The following ZKSCAN1 variants were observed in gnomAD, a reference collection of about 807,000 sequenced individuals.
ZKSCAN1 encodes zinc finger protein with KRAB and SCAN domains 1.
In ZKSCAN1, 14 loss-of-function variants were observed where a neutral mutation model predicts 51.6. The observed-to-expected ratio is 0.27, with a 90% CI of 0.18 to 0.42. ZKSCAN1 has a LOEUF of 0.42. ZKSCAN1 is among the 10% of genes least tolerant of loss of function. ZKSCAN1 has a pLI of 1.00. For synonymous variants in ZKSCAN1, 263 were observed against 261.5 expected (o/e 1.01, Z -0.06); for missense variants, 531 against 710.0 (o/e 0.75, Z 2.86).
rs141612433 is a variant in ZKSCAN1, at chr7:100,034,254, A to T, written c.*57A>T. On this transcript the variant is annotated 3_prime_UTR_variant, in exon 6 of 6. Transcript: ENST00000324306. ...TTTTGTTTCTAAAATTATTTCAGAG[A>T]TGTGTGCTCCTGGAGGGAAAAAGAA... The T allele has an allele frequency of 2.1e-4, 313 of 1,499,634 alleles. 1 individual carries two copies. The highest frequency in any genetic ancestry group is 5.7e-5 in the Non-Finnish European group (65 of 1,133,298). 92.9% of individuals were successfully genotyped at this position (1,499,634 alleles called of 1,614,324 possible).
Position 100,039,359 on chromosome 7 carries a change from A to G in ZKSCAN1, c.*5162A>G. On this transcript the variant is annotated 3_prime_UTR_variant, in exon 6 of 6. Coordinates refer to ENST00000324306, the MANE Select transcript of ZKSCAN1 (RefSeq NM_003439.4). ...AAGAAAGAAAATTGGGGATAGGAGA[A>G]CAGCAAGGTGGGCATTTCCCGGAAT... is the stretch of plus-strand genomic sequence containing the variant. 1.0e-6 allele frequency: 1 copy of G among 985,446 alleles called. No homozygotes were observed. The highest frequency in any genetic ancestry group is 1.1e-4 in the East Asian group (1 of 8,814). The allele number at this position is 985,446 out of a possible 1,614,324, so 61.0% of individuals were successfully genotyped here. A position where few individuals can be genotyped will look rare whatever the true frequency, so the allele number is the denominator to read the frequency against.
rs1318703282 is a variant in ZKSCAN1, at chr7:100,037,744, G to A, written c.*3547G>A. ...AGAGGGAGCTCAATCTTGGCCGGGC[G>A]CCGTGGCTCACGCCTGTAATCGCAG... On this transcript the variant is annotated 3_prime_UTR_variant, in exon 6 of 6. Coordinates refer to ENST00000324306, the MANE Select transcript of ZKSCAN1 (RefSeq NM_003439.4). The A allele has an allele frequency of 4.1e-6, 4 of 984,892 alleles. No homozygotes were observed. In the African/African-American group the frequency reaches 5.2e-5, roughly 13 times the overall value. The allele number at this position is 984,892 out of a possible 1,614,324, so 61.0% of individuals were successfully genotyped here.
chr7:100,039,424 T>C lies in ZKSCAN1; in HGVS notation c.*5227T>C. On this transcript the variant is annotated 3_prime_UTR_variant, in exon 6 of 6. Transcript: ENST00000324306. Reference sequence around the variant, plus strand: ...TCCAGTCGTGGCATTGCAAGAAGTCTGTCTGATGAAGCTCGGGAAGCATTT... The same window carrying C: ...TCCAGTCGTGGCATTGCAAGAAGTCCGTCTGATGAAGCTCGGGAAGCATTT... The C allele has an allele frequency of 1.0e-6, 1 of 985,442 alleles. No homozygotes were observed. The highest frequency in any genetic ancestry group is 1.2e-6 in the Non-Finnish European group (1 of 829,936). The allele number at this position is 985,442 out of a possible 1,614,324, so 61.0% of individuals were successfully genotyped here.
rs1000231357 is a variant in ZKSCAN1, at chr7:100,038,657, C to T, written c.*4460C>T. On this transcript the variant is annotated 3_prime_UTR_variant, in exon 6 of 6. Coordinates refer to ENST00000324306, the MANE Select transcript of ZKSCAN1 (RefSeq NM_003439.4). ...TTCAGCTGACCAGGTTCTTTTAAACCGTAGTCATGCTTTCCCACTAACTCT... is the reference window on the plus strand; with the variant it reads ...TTCAGCTGACCAGGTTCTTTTAAACTGTAGTCATGCTTTCCCACTAACTCT... The T allele has an allele frequency of 1.0e-6, 1 of 985,236 alleles. No individual in the cohort carries two copies. Among genetic ancestry groups the T allele is most frequent in the African/African-American group, 1.7e-5 (1 of 57,192 alleles). The allele number at this position is 985,236 out of a possible 1,614,324, so 61.0% of individuals were successfully genotyped here.
Position 100,034,147 on chromosome 7 carries a change from A to G in ZKSCAN1, c.1642A>G (p.Ser548Gly). 4 of 1,556,136 alleles carry G rather than the reference A, an allele frequency of 2.6e-6. No homozygotes were observed. The highest frequency in any genetic ancestry group is 3.5e-6 in the Non-Finnish European group (4 of 1,157,528). The change falls in exon 6 of 6, where the codon AGC becomes GGC. Residue 548 changes from serine (S) to glycine (G), a missense_variant. Around this residue, in one of 2 missense-constraint regions of ZKSCAN1, gnomAD observed 128 missense variants for 219.5 expected, o/e 0.58. Coordinates refer to ENST00000324306, the MANE Select transcript of ZKSCAN1 (RefSeq NM_003439.4). ...TGCCAGAGAGAGAGCCTCTGAGTAC[A>G]GCCCAGCCTCCCTTGATGCATTTGG... ...IHARERASEY[S>G]PASLDAFGAF...
chr7:100,026,869 A>T (rs558832092), intron 3 of ZKSCAN1, among the ~76,000 whole-genome samples: 16 of 152,262 alleles, frequency 1.1e-4, no homozygotes, highest in African/African-American at 3.8e-4. Flanking sequence ...GCTATACAAA[A>T]ACATTTTTTA....
At position 100,038,110 on chromosome 7, in the gene ZKSCAN1, G is replaced by A; in HGVS notation, c.*3913G>A. 1.0e-6 allele frequency: 1 copy of A among 985,270 alleles called. No individual in the cohort carries two copies. Among genetic ancestry groups the A allele is most frequent in the Non-Finnish European group, 1.2e-6 (1 of 829,894 alleles). The allele number at this position is 985,270 out of a possible 1,614,324, so 61.0% of individuals were successfully genotyped here. A position where few individuals can be genotyped will look rare whatever the true frequency, so the allele number is the denominator to read the frequency against. On this transcript the variant is annotated 3_prime_UTR_variant, in exon 6 of 6. Coordinates refer to ENST00000324306, the MANE Select transcript of ZKSCAN1 (RefSeq NM_003439.4). The stretch of plus-strand genomic sequence containing the variant: ...TGTGGGGAAATGCTTTAAAAAAATA[G>A]CAAAATGTGCAACTTCTTACAAAAA...
downstream of ZKSCAN1, chr7:100,044,787 A>G (rs986745536): frequency 5.1e-6 from 5 of 985,004 alleles, no homozygotes; most frequent in African/African-American, 8.8e-5. Flanking sequence ...TCTTTAGCAA[A>G]TGTCTTTGCA....
At position 100,034,188 on chromosome 7, in the gene ZKSCAN1, T is replaced by C; in HGVS notation, c.1683T>C (p.Ser561=). ...SLDAFGAFLK[S]CV ...ATGCATTTGGCGCGTTCCTGAAAAG[T>C]TGTGTGTAAAGGAAGAATTTGCCAT... Residue 561 remains serine, a synonymous_variant, in exon 6 of 6, where the codon AGT becomes AGC. Coordinates refer to ENST00000324306, the MANE Select transcript of ZKSCAN1 (RefSeq NM_003439.4). The C allele has an allele frequency of 6.6e-7, 1 of 1,505,196 alleles. No individual in the cohort carries two copies. 93.2% of individuals were successfully genotyped at this position (1,505,196 alleles called of 1,614,324 possible).
intron 4 of ZKSCAN1, 88 bp from the exon 5 acceptor site, chr7:100,030,161 A>G: frequency 6.4e-7 from 1 of 1,556,068 alleles, no homozygotes; most frequent in Non-Finnish European, 8.7e-7. Flanking sequence ...GTAGCTTTGC[A>G]GCCACCTCTC....
chr7:100,018,573 A>G lies in ZKSCAN1; in HGVS notation c.-89+2847A>G, dbSNP rs559199165. Among the ~76,000 whole-genome samples, 4 of 152,166 alleles carry G rather than the reference A, an allele frequency of 2.6e-5. No individual in the cohort carries two copies. The South Asian group carries it at 8.3e-4, about 32-fold the overall frequency. On this transcript the variant is annotated intron_variant, in intron 1 of 5. Coordinates refer to ENST00000324306, the MANE Select transcript of ZKSCAN1 (RefSeq NM_003439.4). ...CCAGCTAATTTTTTATATTTTTAGT[A>G]GAGACGGGGTTTCATCGTGTTACCA...
chr7:100,032,036 G>T (rs2115925367), intron 5 of ZKSCAN1, among the ~76,000 whole-genome samples: 1 of 152,284 alleles, frequency 6.6e-6, no homozygotes, highest in South Asian at 2.1e-4. Context: ...CTGTGCTCAT[G>T]CCACTGTACT....
At chr7:100,031,161 T>C (rs1394172488) in intron 5 of ZKSCAN1, among the ~76,000 whole-genome samples, 2 of 151,946 alleles carry the variant, frequency 1.3e-5, no homozygotes, top group Admixed American at 6.6e-5. Flanking sequence ...AAAGGGAGTG[T>C]GAATAAAGCG....
In ZKSCAN1 at chr7:100,037,349, A is replaced by G; in HGVS notation, c.*3152A>G. The G allele has an allele frequency of 1.0e-6, 1 of 985,398 alleles. No individual in the cohort carries two copies. Among genetic ancestry groups the G allele is most frequent in the Non-Finnish European group, 1.2e-6 (1 of 829,916 alleles). The allele number at this position is 985,398 out of a possible 1,614,324, so 61.0% of individuals were successfully genotyped here. A position where few individuals can be genotyped will look rare whatever the true frequency, so the allele number is the denominator to read the frequency against. ...CTCAGGTTGTGGGGTATTTGTTTCT[A>G]CTCCAGCCTGGCAGGCAAGGCTAAA... On this transcript the variant is annotated 3_prime_UTR_variant, in exon 6 of 6. Coordinates refer to ENST00000324306, the MANE Select transcript of ZKSCAN1 (RefSeq NM_003439.4).
chr7:100,042,191 C>T (rs563133774), downstream of ZKSCAN1, among the ~76,000 whole-genome samples: 9 of 151,994 alleles, frequency 5.9e-5, no homozygotes, highest in South Asian at 6.2e-4. Context: ...TGGTGGCGGG[C>T]GCCTGTAGTC....
intron 5 of ZKSCAN1, among the ~76,000 whole-genome samples, chr7:100,032,746 C>T (rs1263971601): frequency 1.3e-5 from 2 of 151,910 alleles, no homozygotes; most frequent in Admixed American, 6.6e-5. Context: ...TGGTGGCTCA[C>T]GCCTGTAATC....
chr7:100,039,315 G>GAAA lies in ZKSCAN1; in HGVS notation c.*5128_*5130dup. 2 of 879,140 alleles carry GAAA rather than the reference G, an allele frequency of 2.3e-6. No homozygotes were observed. Among genetic ancestry groups the GAAA allele is most frequent in the South Asian group, 1.0e-4 (2 of 19,086 alleles). 54.5% of individuals were successfully genotyped at this position (879,140 alleles called of 1,614,324 possible). A position where few individuals can be genotyped will look rare whatever the true frequency, so the allele number is the denominator to read the frequency against. ...TAACAGAGACTCTGTCTCAAAAAAA[G>GAAA]AAAAAAAAAAAAGAAAGAAAGAAAG... On this transcript the variant is annotated 3_prime_UTR_variant, in exon 6 of 6. Transcript: ENST00000324306.
chr7:100,042,495 A>G (rs1317461582), downstream of ZKSCAN1, among the ~76,000 whole-genome samples: 2 of 151,890 alleles, frequency 1.3e-5, no homozygotes, highest in Admixed American at 1.3e-4. Context: ...TTCAATTCTG[A>G]CACTACCTGT....
intron 5 of ZKSCAN1, among the ~76,000 whole-genome samples, chr7:100,031,720 C>T (rs980305147): frequency 6.6e-6 from 1 of 152,166 alleles, no homozygotes; most frequent in African/African-American, 2.4e-5. Flanking sequence ...CTCTGTGTTC[C>T]TCTCCTTGTT....
Sources: allele counts gnomAD v4.1 joint callset (sites outside exome capture counted in the v4.1 genomes callset), GRCh38; gene constraint gnomAD v4.1.1; regional missense constraint gnomAD v4.1.1; transcripts MANE v1.5; gene names NCBI Gene and HGNC (gene_info 2026-07-23, HGNC 2026-07-21).